The following DENND2B variants were observed in gnomAD, a reference collection of about 807,000 sequenced individuals.
DENND2B encodes the protein DENN domain-containing protein 2B.
In DENND2B, 32 loss-of-function variants were observed where a neutral mutation model predicts 116.0. The ratio of observed to expected loss-of-function variants is 0.28; its 90% confidence interval spans 0.21 to 0.37. The LOEUF (loss-of-function observed/expected upper bound fraction) is 0.37. Ranked by LOEUF, DENND2B falls within the 10% of genes least tolerant of loss-of-function variation. The pLI is 1.00. For missense variants in DENND2B, 1,276 were observed against 1,477.7 expected (o/e 0.86, Z 2.24); for synonymous variants, 588 against 583.9 (o/e 1.01, Z -0.10).
At chr11:8,791,819 T>C (rs922392984) in intron 1 of DENND2B, among the ~76,000 whole-genome samples, 29 of 152,068 alleles carry the variant, frequency 1.9e-4, no homozygotes, top group African/African-American at 6.5e-4. Flanking sequence ...TTAATTGTTA[T>C]GGTACATCCT....
chr11:8,725,952 G>A, intron 4 of DENND2B, 121 bp downstream of exon 4: 1 of 1,431,808 alleles, frequency 7.0e-7, no homozygotes, highest in South Asian at 1.2e-5. Context: ...TCCAGGAGGA[G>A]TTCCAGAAGG....
intron 4 of DENND2B, among the ~76,000 whole-genome samples, chr11:8,719,382 G>A (rs572494682): frequency 6.6e-6 from 1 of 152,316 alleles, no homozygotes; most frequent in Non-Finnish European, 1.5e-5. Context: ...TGCAGTGGGA[G>A]CAATATAAAT....
At chr11:8,851,027 GA>G (rs2062987286) in intron 3 of DENND2B, among the ~76,000 whole-genome samples, 1 of 152,156 alleles carries the variant, frequency 6.6e-6, no homozygotes, top group African/African-American at 2.4e-5. Flanking sequence ...GAGGCTAGGG[GA>G]TGAAGGGATT....
intron 1 of DENND2B, among the ~76,000 whole-genome samples, chr11:8,907,296 T>C (rs1347277148): frequency 6.6e-6 from 1 of 152,214 alleles, no homozygotes; most frequent in Non-Finnish European, 1.5e-5. Flanking sequence ...TCTCTCCATT[T>C]ACAATTCCAT....
intron 1 of DENND2B, among the ~76,000 whole-genome samples, chr11:8,780,229 T>G (rs1055841258): frequency 3.9e-5 from 6 of 152,178 alleles, no homozygotes; most frequent in Non-Finnish European, 8.8e-5. Flanking sequence ...CAGGTATGGG[T>G]CCATCCTCAA....
chr11:8,765,981 G>C (rs973269949), intron 1 of DENND2B, among the ~76,000 whole-genome samples: 12 of 152,038 alleles, frequency 7.9e-5, no homozygotes, highest in African/African-American at 2.9e-4. Context: ...GGAGGATACA[G>C]TGACACAACT....
At chr11:8,894,159 A>G (rs2064069648) in intron 1 of DENND2B, among the ~76,000 whole-genome samples, 1 of 152,210 alleles carries the variant, frequency 6.6e-6, no homozygotes, top group Non-Finnish European at 1.5e-5. Context: ...AGGATTCCCT[A>G]TTTAATAAAT....
At position 8,712,362 on chromosome 11, in the gene DENND2B, G is replaced by C. The variant is rs895804777; in HGVS notation, c.2172+189C>G. The stretch of plus-strand genomic sequence containing the variant: ...TTCTTAGTCCTCATCCTTTGAACAA[G>C]CACTGGCCCAAACCCACCCCCGCTG... On this transcript the variant is annotated intron_variant, in intron 9 of 19. Transcript: ENST00000313726. The surrounding 1 kb of genome is among the most constrained non-coding windows in gnomAD (Gnocchi z 4.4). Among the ~76,000 whole-genome samples, 5 of 152,160 alleles carry C rather than the reference G, an allele frequency of 3.3e-5. No homozygotes were observed. The highest frequency in any genetic ancestry group is 1.2e-4 in the African/African-American group (5 of 41,442).
At chr11:8,874,694 G>A (rs1279860823), upstream of DENND2B, among the ~76,000 whole-genome samples, 2 of 151,946 alleles carry the variant, frequency 1.3e-5, no homozygotes, top group Non-Finnish European at 2.9e-5. Flanking sequence ...GTCAAGGCAG[G>A]AGGACCTCTT....
At chr11:8,845,849 T>C (rs530045811) in intron 3 of DENND2B, among the ~76,000 whole-genome samples, 1 of 152,322 alleles carries the variant, frequency 6.6e-6, no homozygotes, top group African/African-American at 2.4e-5. Context: ...CGTGGATAAT[T>C]ACTGTTATAT....
Position 8,730,422 on chromosome 11 carries a change from G to T in DENND2B, c.868C>A (p.Gln290Lys), listed in dbSNP as rs2047928084. The T allele has an allele frequency of 1.2e-6, 2 of 1,608,614 alleles. No individual in the cohort carries two copies. The highest frequency in any genetic ancestry group is 1.3e-5 in the African/African-American group (1 of 74,926). ...AVLSRIQKIE[Q>K]VLKEQPGRGL... ...CGGCCCGGCTGCTCCTTCAGGACCTGTTCAATTTTCTGGATCCGGCTCAGC... is the reference window on the plus strand; with the variant it reads ...CGGCCCGGCTGCTCCTTCAGGACCTTTTCAATTTTCTGGATCCGGCTCAGC... The change falls in exon 3 of 20, where the codon CAG (glutamine) becomes AAG (lysine). Residue 290 changes from glutamine to lysine, a missense_variant. Gln to Lys is a moderately conservative substitution (Grantham distance 53, BLOSUM62 1). Coordinates refer to ENST00000313726, the MANE Select transcript of DENND2B (RefSeq NM_213618.2). The surrounding 1 kb of genome is among the most constrained non-coding windows in gnomAD (Gnocchi z 4.1).
At chr11:8,871,949 C>T (rs2063788267), upstream of DENND2B, among the ~76,000 whole-genome samples, 1 of 152,146 alleles carries the variant, frequency 6.6e-6, no homozygotes, top group South Asian at 2.1e-4. Context: ...ATTTTTTACT[C>T]ACGTAAATCA....
At chr11:8,878,495 T>A (rs2063868886) in intron 2 of DENND2B, among the ~76,000 whole-genome samples, 1 of 151,932 alleles carries the variant, frequency 6.6e-6, no homozygotes, top group South Asian at 2.1e-4. Flanking sequence ...GTTCAAGCAG[T>A]TCTCCTGTCT....
chr11:8,817,228 C>T (rs2061599716), intron 4 of DENND2B, among the ~76,000 whole-genome samples: 2 of 152,144 alleles, frequency 1.3e-5, no homozygotes. Flanking sequence ...CCTAAGTTCT[C>T]TTGGAAGACA....
intron 1 of DENND2B, among the ~76,000 whole-genome samples, chr11:8,754,790 C>T (rs774841009): frequency 2.0e-5 from 3 of 152,156 alleles, no homozygotes; most frequent in African/African-American, 4.8e-5. Flanking sequence ...AACCTTGATT[C>T]CACTTTTGTG....
intron 1 of DENND2B, among the ~76,000 whole-genome samples, chr11:8,758,384 T>C (rs2134096438): frequency 6.6e-6 from 1 of 152,236 alleles, no homozygotes; most frequent in South Asian, 2.1e-4. Context: ...CAATGGCTCA[T>C]CTAAGCCATT....
At chr11:8,766,789 G>A (rs2055888985) in intron 1 of DENND2B, 2 of 783,756 alleles carry the variant, frequency 2.6e-6, no homozygotes, top group Non-Finnish European at 1.9e-6. Context: ...TTTAGGTGGG[G>A]GTGCTGGGTT....
intron 2 of DENND2B, among the ~76,000 whole-genome samples, chr11:8,863,968 C>T (rs1055193722): frequency 1.3e-5 from 2 of 152,270 alleles, no homozygotes; most frequent in Admixed American, 6.5e-5. Flanking sequence ...AGAAAAGCTT[C>T]TCCAGGCAGT....
In DENND2B at chr11:8,899,271, G is replaced by A. The variant is rs191032054; in HGVS notation, c.-256+11550C>T. ...TAAGGAGAGTCCCAGAAAAAGAAGA[G>A]AAAGAGAAAGGGACAGAAAAAAATG... On this transcript the variant is annotated intron_variant, in intron 1 of 22. Coordinates refer to the DENND2B transcript ENST00000534127. Among the ~76,000 whole-genome samples the A allele has an allele frequency of 5.8e-4, 87 of 150,514 alleles. 1 individual carries two copies. The East Asian group carries it at 0.017, about 29-fold the overall frequency.
Sources: gnomAD v4.1 joint callset for allele counts (sites outside exome capture counted in the v4.1 genomes callset) on GRCh38, gnomAD v4.1.1 for gene constraint, Gnocchi (gnomAD v3.1) non-coding constraint, MANE v1.5 for transcripts, NCBI Gene and HGNC (gene_info 2026-07-23, HGNC 2026-07-21) for gene names.